DCAF6: variants seen among roughly 807,000 people sequenced by gnomAD.
DCAF6 encodes the protein DDB1 and CUL4 associated factor 6.
In DCAF6, 54 loss-of-function variants were observed where a neutral mutation model predicts 125.1. The ratio of observed to expected loss-of-function variants is 0.43; its 90% CI spans 0.35 to 0.54. DCAF6 has a LOEUF of 0.54. Among genes scored for constraint, DCAF6 ranks in the 20% least tolerant of loss-of-function variants. DCAF6 has a pLI of 0.01. For missense variants in DCAF6, 934 were observed against 1,161.7 expected, an observed-to-expected ratio of 0.80 and a Z score of 2.85; for synonymous variants, 371 against 390.4, an observed-to-expected ratio of 0.95 and a Z score of 0.58.
chr1:167,966,842 T>C, intron 3 of DCAF6, 121 bp downstream of exon 3: 1 of 632,168 alleles, frequency 1.6e-6, no homozygotes, highest in Non-Finnish European at 2.8e-6. Context: ...CCTATTTTGC[T>C]GAGGTTTATT....
the DCAF6 span, among the ~76,000 whole-genome samples, chr1:167,869,650 T>C: frequency 0.36 from 54,539 of 151,882 alleles, 10,380 homozygotes; most frequent in East Asian, 0.59. Context: ...TTGTGAAATC[T>C]CTCGTTCTGT....
intron 2 of DCAF6, among the ~76,000 whole-genome samples, chr1:167,958,813 A>G (rs1675154445): frequency 6.6e-6 from 1 of 152,154 alleles, no homozygotes; most frequent in Non-Finnish European, 1.5e-5. Context: ...CTTGCATAGC[A>G]TTTTCCATTA....
intron 7 of DCAF6, among the ~76,000 whole-genome samples, chr1:167,999,461 G>A (rs1486488717): frequency 6.6e-6 from 1 of 152,118 alleles, no homozygotes; most frequent in Non-Finnish European, 1.5e-5. Flanking sequence ...CTCTAGCTGT[G>A]AAAGTCCTAA....
the DCAF6 span, chr1:167,920,206 T>C: frequency 6.1e-6 from 4 of 660,698 alleles, no homozygotes; most frequent in Admixed American, 3.1e-5. Flanking sequence ...GACAAAGAAA[T>C]GCTATACTCT....
At chr1:167,999,309 T>C (rs1380235681) in intron 7 of DCAF6, among the ~76,000 whole-genome samples, 1 of 152,250 alleles carries the variant, frequency 6.6e-6, no homozygotes, top group East Asian at 1.9e-4. Context: ...GCAGATTCAA[T>C]TAAACATAAT....
chr1:167,948,631 G>T (rs1191212445), intron 1 of DCAF6, among the ~76,000 whole-genome samples: 1 of 152,108 alleles, frequency 6.6e-6, no homozygotes, highest in Non-Finnish European at 1.5e-5. Flanking sequence ...TATTGTCATT[G>T]AAATACATTC....
chr1:168,023,359 G>A (rs1685906875), intron 12 of DCAF6: 3 of 420,516 alleles, frequency 7.1e-6, no homozygotes, highest in Non-Finnish European at 1.3e-5. Flanking sequence ...ATAAAATTGT[G>A]TAGAACTGTG....
the DCAF6 span, chr1:167,883,431 ACTTAC>A: frequency 6.2e-7 from 1 of 1,614,150 alleles, no homozygotes; most frequent in Non-Finnish European, 8.5e-7. Context: ...CATAGTTCAC[ACTTAC>A]CTTGTCAAAC....
chr1:167,951,977 A>C, intron 2 of DCAF6, 116 bp downstream of exon 2: 1 of 584,592 alleles, frequency 1.7e-6, no homozygotes, highest in Non-Finnish European at 3.0e-6. Context: ...TGGGAGAATA[A>C]AGTTTTACAT....
chr1:168,005,275 T>C (rs1440782491), intron 10 of DCAF6, among the ~76,000 whole-genome samples: 1 of 152,114 alleles, frequency 6.6e-6, no homozygotes, highest in African/African-American at 2.4e-5. Context: ...AACATATAAT[T>C]TACCAAAAAA....
chr1:167,959,219 C>G (rs1187427658), intron 2 of DCAF6, among the ~76,000 whole-genome samples: 2 of 152,180 alleles, frequency 1.3e-5, no homozygotes, highest in Non-Finnish European at 2.9e-5. Context: ...TAGCTCATTT[C>G]TTTTTAGAGC....
the DCAF6 span, among the ~76,000 whole-genome samples, chr1:167,873,823 CTA>C: frequency 6.6e-6 from 1 of 152,016 alleles, no homozygotes; most frequent in Non-Finnish European, 1.5e-5. Flanking sequence ...GAAGCACTAA[CTA>C]TAAAAGACAG....
intron 20 of DCAF6, among the ~76,000 whole-genome samples, chr1:168,067,031 G>A (rs549952621): frequency 6.6e-6 from 1 of 152,120 alleles, no homozygotes; most frequent in Admixed American, 6.5e-5. Flanking sequence ...TCTGGGATGG[G>A]AGAGGGAAGG....
the DCAF6 span, among the ~76,000 whole-genome samples, chr1:167,869,622 A>ACATTGTATGGAAGGG: frequency 2.3e-4 from 35 of 152,130 alleles, no homozygotes; most frequent in Non-Finnish European, 4.1e-4. Flanking sequence ...TAGATTCCAC[A>ACATTGTATGGAAGGG]CATTGTATGG....
the DCAF6 span, among the ~76,000 whole-genome samples, chr1:167,883,268 C>T: frequency 6.6e-6 from 1 of 152,220 alleles, no homozygotes; most frequent in Non-Finnish European, 1.5e-5. Context: ...GAACTCCTGA[C>T]CTCAAGTGAT....
At chr1:167,999,508 C>T (rs745419731) in intron 7 of DCAF6, among the ~76,000 whole-genome samples, 2 of 152,160 alleles carry the variant, frequency 1.3e-5, no homozygotes, top group Non-Finnish European at 2.9e-5. Flanking sequence ...GTTTCATTTG[C>T]ATTGGAAATC....
At chr1:168,074,557 C>T (rs1216793296) in intron 21 of DCAF6, among the ~76,000 whole-genome samples, 1 of 152,078 alleles carries the variant, frequency 6.6e-6, no homozygotes, top group African/African-American at 2.4e-5. Flanking sequence ...CTCCTGCCCT[C>T]CAGGAACTCT....
chr1:167,877,883 G>T, the DCAF6 span, among the ~76,000 whole-genome samples: 1 of 152,272 alleles, frequency 6.6e-6, no homozygotes, highest in East Asian at 1.9e-4. Context: ...AGAGGAGGGG[G>T]AACAGGAGGA....
chr1:167,930,306 C>T, the DCAF6 span, among the ~76,000 whole-genome samples: 2 of 152,164 alleles, frequency 1.3e-5, no homozygotes, highest in East Asian at 1.9e-4. Flanking sequence ...AGGGATGATA[C>T]GTTTTAAATT....
Sources: allele counts gnomAD v4.1 joint callset (sites outside exome capture counted in the v4.1 genomes callset), GRCh38; gene constraint gnomAD v4.1.1; transcripts MANE v1.5; gene names NCBI Gene and HGNC (gene_info 2026-07-23, HGNC 2026-07-21).